Variants in MAP1LC3C observed in about 807,000 individuals in gnomAD.
MAP1LC3C encodes microtubule associated protein 1 light chain 3 gamma.
In MAP1LC3C, 12 loss-of-function variants were observed where a neutral mutation model predicts 10.4. That is an observed-to-expected ratio of 1.15 (90% CI 0.74 to 1.86). The LOEUF (loss-of-function observed/expected upper bound fraction) is 1.86, where lower values mean the gene tolerates loss of function less well. MAP1LC3C is among the 40% of genes most tolerant of loss of function. The pLI is 0.00. For synonymous variants in MAP1LC3C, 70 were observed against 69.0 expected (o/e 1.01, Z -0.07); for missense variants, 177 against 185.7 (o/e 0.95, Z 0.27).
chr1:242,000,105 T>G (rs375986329), upstream of MAP1LC3C, among the ~76,000 whole-genome samples: 4 of 152,174 alleles, frequency 2.6e-5, 1 homozygote, highest in East Asian at 7.7e-4. Context: ...ACTTCTACAG[T>G]GGACACCAGC....
At chr1:241,998,481 A>G (rs770702498) in intron 3 of MAP1LC3C, 33 bp downstream of exon 3, 1 of 1,591,386 alleles carries the variant, frequency 6.3e-7, no homozygotes, top group Non-Finnish European at 8.6e-7. Flanking sequence ...CACCCAGCGC[A>G]CCTTCCTCCG....
At chr1:241,996,733 C>T (rs1201789259) in intron 3 of MAP1LC3C, among the ~76,000 whole-genome samples, 2 of 151,650 alleles carry the variant, frequency 1.3e-5, no homozygotes, top group African/African-American at 2.4e-5. Flanking sequence ...CCATCCTGGC[C>T]AACATGGTGA....
intron 3 of MAP1LC3C, among the ~76,000 whole-genome samples, chr1:241,997,715 A>G (rs1665112238): frequency 6.6e-6 from 1 of 152,030 alleles, no homozygotes; most frequent in Non-Finnish European, 1.5e-5. Flanking sequence ...TCTTTGCTGT[A>G]CCTCTGGCTT....
upstream of MAP1LC3C, chr1:241,999,165 C>T: frequency 1.5e-6 from 2 of 1,367,186 alleles, no homozygotes; most frequent in Non-Finnish European, 1.9e-6. Flanking sequence ...CTCTCCCTCC[C>T]CTCTCCCCAC....
At position 241,999,076 on chromosome 1, in the gene MAP1LC3C, A is replaced by C; in HGVS notation, c.-68T>G. On this transcript the variant is annotated 5_prime_UTR_variant, in exon 1 of 4. An upstream start codon of the reference 5' UTR is lost. Coordinates refer to ENST00000357246, the MANE Select transcript of MAP1LC3C (RefSeq NM_001004343.3). ...TGTCCCGCAACCGGGAACCTAACTC[A>C]TTCCTCCAGCTGCTTCCAAACTGCC... is the stretch of plus-strand genomic sequence containing the variant. 6.5e-7 allele frequency: 1 copy of C among 1,540,510 alleles called. No individual in the cohort carries two copies. The highest frequency in any genetic ancestry group is 8.7e-7 in the Non-Finnish European group (1 of 1,155,754).
intron 3 of MAP1LC3C, among the ~76,000 whole-genome samples, chr1:241,996,704 C>T (rs1014148867): frequency 2.0e-5 from 3 of 151,730 alleles, no homozygotes; most frequent in African/African-American, 7.3e-5. Context: ...AGGCAGCTCA[C>T]GAGGTCAAGA....
chr1:241,998,587 G>A lies in MAP1LC3C; in HGVS notation c.148C>T (p.Leu50=), dbSNP rs1263015812. The A allele has an allele frequency of 6.2e-7, 1 of 1,612,768 alleles. No homozygotes were observed. The highest frequency in any genetic ancestry group is 8.5e-7 in the Non-Finnish European group (1 of 1,179,664). Residue 50 remains leucine, a synonymous_variant, in exon 3 of 4, where the codon CTG becomes TTG. Coordinates refer to ENST00000357246, the MANE Select transcript of MAP1LC3C (RefSeq NM_001004343.3). ...VVERYPRETF[L]PPLDKTKFLV... Reference sequence around the variant, plus strand: ...AACTTGGTTTTGTCCAGCGGGGGCAGGAACGTCTCCCTGGGGTAGCGCTCC... The same window carrying A: ...AACTTGGTTTTGTCCAGCGGGGGCAAGAACGTCTCCCTGGGGTAGCGCTCC...
intron 3 of MAP1LC3C, among the ~76,000 whole-genome samples, chr1:241,997,751 G>A (rs747760159): frequency 6.6e-6 from 1 of 152,082 alleles, no homozygotes; most frequent in Non-Finnish European, 1.5e-5. Flanking sequence ...GTGTTTGGGG[G>A]ATGCTTTTCT....
rs1665134776 is a variant in MAP1LC3C, at chr1:241,998,568, G to A, written c.167C>T (p.Thr56Ile). ...CAGCTCCTGCGGGACCAGGAACTTG[G>A]TTTTGTCCAGCGGGGGCAGGAACGT... ...RETFLPPLDK[T>I]KFLVPQELTM... is the part of the protein sequence containing the mutation. Residue 56 changes from threonine (T) to isoleucine (I), a missense_variant, in exon 3 of 4, where the codon ACC (threonine) becomes ATC (isoleucine). Coordinates refer to ENST00000357246, the MANE Select transcript of MAP1LC3C (RefSeq NM_001004343.3). 6.2e-7 allele frequency: 1 copy of A among 1,613,480 alleles called. No individual in the cohort carries two copies. The highest frequency in any genetic ancestry group is 8.5e-7 in the Non-Finnish European group (1 of 1,179,882).
upstream of MAP1LC3C, among the ~76,000 whole-genome samples, chr1:242,001,043 A>G (rs184524396): frequency 3.9e-5 from 6 of 152,270 alleles, no homozygotes; most frequent in Non-Finnish European, 7.4e-5. Context: ...TGGGAGACCA[A>G]GGTGGGCGGA....
At chr1:241,999,347 C>T, upstream of MAP1LC3C, among the ~76,000 whole-genome samples, 1 of 152,292 alleles carries the variant, frequency 6.6e-6, no homozygotes, top group East Asian at 1.9e-4. Context: ...AGAGGTAAAA[C>T]TGCCTTGTGC....
chr1:241,998,430 A>C, intron 3 of MAP1LC3C, 84 bp downstream of exon 3: 1 of 1,235,896 alleles, frequency 8.1e-7, no homozygotes, highest in East Asian at 2.3e-5. Context: ...CCCATCCCCA[A>C]AATAAAACTG....
chr1:241,996,351 A>G lies in MAP1LC3C; in HGVS notation c.256T>C (p.Tyr86His), dbSNP rs778032144. The G allele has an allele frequency of 2.2e-5, 35 of 1,613,982 alleles. No homozygotes were observed. The highest frequency in any genetic ancestry group is 2.7e-5 in the Non-Finnish European group (32 of 1,179,998). Residue 86 changes from tyrosine to histidine, a missense_variant, in exon 4 of 4, where the codon TAC becomes CAC. Physicochemically the swap from Tyr to His is moderately conservative, Grantham distance 83. Transcript: ENST00000357246. ...AGGCTCTTGTTGTTCACCAGCAAGT[A>G]AAAGGCTTCCGTGGCTCTCAGGACC... ...RMVLRATEAF[Y>H]LLVNNKSLVS...
chr1:241,999,092 C>T lies in MAP1LC3C; in HGVS notation c.-84G>A. On this transcript the variant is annotated 5_prime_UTR_variant, in exon 1 of 4. Coordinates refer to ENST00000357246, the MANE Select transcript of MAP1LC3C (RefSeq NM_001004343.3). ...ACCTAACTCATTCCTCCAGCTGCTT[C>T]CAAACTGCCTGCAGGAGCCTGAAGG... is the stretch of plus-strand genomic sequence containing the variant. The T allele has an allele frequency of 1.3e-6, 2 of 1,523,048 alleles. No homozygotes were observed. Among genetic ancestry groups the T allele is most frequent in the Non-Finnish European group, 1.7e-6 (2 of 1,147,726 alleles). The allele number at this position is 1,523,048 out of a possible 1,614,324, so 94.3% of individuals were successfully genotyped here.
chr1:241,997,171 A>G (rs1270141428), intron 3 of MAP1LC3C, among the ~76,000 whole-genome samples: 45 of 151,998 alleles, frequency 3.0e-4, no homozygotes, highest in Admixed American at 3.0e-3. Flanking sequence ...AAGTGCTGGG[A>G]TTACAGTGTG....
upstream of MAP1LC3C, among the ~76,000 whole-genome samples, chr1:242,000,641 T>G (rs2139474): frequency 6.6e-6 from 1 of 152,112 alleles, no homozygotes; most frequent in Non-Finnish European, 1.5e-5. Context: ...AGGGAAACAC[T>G]TTTACCGGCT....
Position 241,999,040 on chromosome 1 carries a change from GAAA to G in MAP1LC3C, c.-35_-33del. The G allele has an allele frequency of 6.4e-7, 1 of 1,561,328 alleles. No homozygotes were observed. On this transcript the variant is annotated 5_prime_UTR_variant, in exon 1 of 4. Coordinates refer to ENST00000357246, the MANE Select transcript of MAP1LC3C (RefSeq NM_001004343.3). ...CAGTAGCTGTGTCTGTTTTAAAAAA[GAAA>G]AAAAAACTGTCCCGCAACCGGGAAC...
intron 2 of MAP1LC3C, 29 bp from the exon 3 acceptor site, chr1:241,998,649 T>C: frequency 6.2e-7 from 1 of 1,606,506 alleles, no homozygotes; most frequent in South Asian, 1.1e-5. Context: ...CTTAAGAATG[T>C]GACTCAGCGT....
At chr1:241,998,021 CTTTTTT>C (rs58237405) in intron 3 of MAP1LC3C, among the ~76,000 whole-genome samples, 12 of 95,408 alleles carry the variant, frequency 1.3e-4, no homozygotes, top group Admixed American at 2.5e-4. Flanking sequence ...TAGAGTAATT[CTTTTTT>C]TTTTTTTTTT....
Sources: allele counts gnomAD v4.1 joint callset (sites outside exome capture counted in the v4.1 genomes callset), GRCh38; gene constraint gnomAD v4.1.1; transcripts MANE v1.5; gene names NCBI Gene and HGNC (gene_info 2026-07-23, HGNC 2026-07-21).